Variants in EXOC4 observed in about 807,000 individuals in gnomAD.
EXOC4 encodes SEC8-like 1.
Under a neutral mutation model 107.2 loss-of-function variants are expected in EXOC4, and 71 were observed. The observed-to-expected ratio is 0.66, with a 90% CI of 0.55 to 0.81. EXOC4 has a LOEUF of 0.81. EXOC4 is among the 30% of genes least tolerant of loss of function. EXOC4 has a pLI of 0.00. For missense variants in EXOC4, 1,108 were observed against 1,189.6 expected, an observed-to-expected ratio of 0.93 and a Z score of 1.01; for synonymous variants, 456 against 441.2, an observed-to-expected ratio of 1.03 and a Z score of -0.42.
At chr7:133,518,670 G>A (rs192879624) in intron 9 of EXOC4, among the ~76,000 whole-genome samples, 1 of 152,242 alleles carries the variant, frequency 6.6e-6, no homozygotes, top group East Asian at 1.9e-4. Flanking sequence ...CTTTAAAAGG[G>A]TGGACATTCT....
chr7:133,740,246 T>C (rs1340267617), intron 10 of EXOC4, among the ~76,000 whole-genome samples: 1 of 152,182 alleles, frequency 6.6e-6, no homozygotes, highest in African/African-American at 2.4e-5. Flanking sequence ...TTGATATGCA[T>C]TAGCTTGTGC....
At chr7:133,583,541 G>A (rs902003797) in intron 9 of EXOC4, among the ~76,000 whole-genome samples, 1 of 152,184 alleles carries the variant, frequency 6.6e-6, no homozygotes, top group African/African-American at 2.4e-5. Flanking sequence ...CTGGGTAAGA[G>A]TTAGCCAGAT....
At chr7:133,738,702 A>G (rs1490124826) in intron 10 of EXOC4, among the ~76,000 whole-genome samples, 2 of 152,174 alleles carry the variant, frequency 1.3e-5, no homozygotes, top group Non-Finnish European at 2.9e-5. Flanking sequence ...AATTATTAGA[A>G]ATTATCTAAA....
intron 17 of EXOC4, among the ~76,000 whole-genome samples, chr7:134,047,047 A>T (rs1795672587): frequency 6.6e-6 from 1 of 152,206 alleles, no homozygotes; most frequent in Non-Finnish European, 1.5e-5. Flanking sequence ...TGCTCTTATG[A>T]AATTATGTGT....
rs185010628 is a variant in EXOC4 at position 133,536,850 on chromosome 7, A to G, written c.1417+56712A>G. On this transcript the variant is annotated intron_variant, in intron 9 of 17. Transcript: ENST00000253861. ...CTACATATTAGGCAGCAGGAAGTAG[A>G]TGGGGCAGGCAGCAGGAAGTAGACG... Among the ~76,000 whole-genome samples, 231 of 152,116 alleles carry G rather than the reference A, an allele frequency of 1.5e-3. 1 individual carries two copies. Among genetic ancestry groups the G allele is most frequent in the African/African-American group, 5.3e-3 (220 of 41,518 alleles).
chr7:133,867,082 C>T (rs73155129), intron 11 of EXOC4, among the ~76,000 whole-genome samples: 22,899 of 152,144 alleles, frequency 0.15, 2,099 homozygotes, highest in African/African-American at 0.25. Context: ...GAAACTAGTG[C>T]TCCTCAGTCC....
intron 11 of EXOC4, among the ~76,000 whole-genome samples, chr7:133,832,092 C>T (rs1469356545): frequency 1.3e-5 from 2 of 152,116 alleles, no homozygotes; most frequent in African/African-American, 4.8e-5. Context: ...GAATAGTTAA[C>T]CCATACCCTT....
In EXOC4 at chr7:133,752,586, C is replaced by A. The variant is rs75226102; in HGVS notation, c.1515-64739C>A. Among the ~76,000 whole-genome samples, 305 of 152,190 alleles carry A rather than the reference C, an allele frequency of 2.0e-3. 9 individuals are homozygous for A. In the East Asian group the frequency reaches 0.053, roughly 26 times the overall value. On this transcript the variant is annotated intron_variant, in intron 10 of 17. Transcript: ENST00000253861. ...GACATAGTCTATGCTCTCATAAAAC[C>A]CACCATCTATTAGGGAAAATGAACA...
At position 133,765,688 on chromosome 7, in the gene EXOC4, G is replaced by A. The variant is rs548087119; in HGVS notation, c.1515-51637G>A. The stretch of plus-strand genomic sequence containing the variant: ...AGTCTTCCTTTTTTCTGCATTAATC[G>A]CCTTCCTTTGTATTATGATCTTTCC... On this transcript the variant is annotated intron_variant, in intron 10 of 17. Transcript: ENST00000253861. Among the ~76,000 whole-genome samples, 143 of 151,776 alleles carry A rather than the reference G, an allele frequency of 9.4e-4. 1 individual carries two copies. Among genetic ancestry groups the A allele is most frequent in the African/African-American group, 3.1e-3 (127 of 41,426 alleles).
chr7:133,483,767 CT>C (rs1799210169), intron 9 of EXOC4, among the ~76,000 whole-genome samples: 1 of 152,170 alleles, frequency 6.6e-6, no homozygotes, highest in Non-Finnish European at 1.5e-5. Context: ...CTGATGAATG[CT>C]TTTAACATTT....
chr7:133,355,693 A>G (rs1269765175), intron 5 of EXOC4, among the ~76,000 whole-genome samples: 1 of 151,666 alleles, frequency 6.6e-6, no homozygotes, highest in East Asian at 1.9e-4. Flanking sequence ...ATGGATTATT[A>G]GCAAGATCTG....
intron 11 of EXOC4, among the ~76,000 whole-genome samples, chr7:133,823,872 TTATA>T (rs1294402537): frequency 6.9e-4 from 8 of 11,600 alleles, no homozygotes; most frequent in Non-Finnish European, 1.1e-3. Flanking sequence ...TATATATATA[TTATA>T]TATATATATA....
intron 10 of EXOC4, among the ~76,000 whole-genome samples, chr7:133,643,479 A>G (rs992003404): frequency 6.6e-6 from 1 of 152,174 alleles, no homozygotes; most frequent in African/African-American, 2.4e-5. Context: ...CGTACTTTGT[A>G]TCTTTCAATC....
chr7:133,701,665 A>T (rs1204969023), intron 10 of EXOC4, among the ~76,000 whole-genome samples: 1 of 152,218 alleles, frequency 6.6e-6, no homozygotes, highest in Non-Finnish European at 1.5e-5. Flanking sequence ...AATATCCCTT[A>T]TCTGAAATGC....
intron 14 of EXOC4, among the ~76,000 whole-genome samples, chr7:133,963,312 A>G (rs1042009958): frequency 3.9e-5 from 6 of 152,256 alleles, no homozygotes; most frequent in Non-Finnish European, 7.3e-5. Context: ...AATGCTTTTT[A>G]GTTGTAGAGT....
intron 3 of EXOC4, among the ~76,000 whole-genome samples, chr7:133,303,172 T>C (rs1794679182): frequency 6.6e-6 from 1 of 152,186 alleles, no homozygotes; most frequent in Admixed American, 6.5e-5. Context: ...CAGTGGCTCA[T>C]GCCTGTAATC....
At chr7:133,448,157 G>A (rs1798260060) in intron 7 of EXOC4, among the ~76,000 whole-genome samples, 1 of 152,152 alleles carries the variant, frequency 6.6e-6, no homozygotes, top group Admixed American at 6.6e-5. Flanking sequence ...GCATTTCTGG[G>A]TCTCCTTTTG....
At chr7:133,925,808 C>A (rs954748216) in intron 13 of EXOC4, among the ~76,000 whole-genome samples, 1 of 151,846 alleles carries the variant, frequency 6.6e-6, no homozygotes, top group Non-Finnish European at 1.5e-5. Context: ...GAAGCCGAGG[C>A]GAGTGGATCA....
intron 12 of EXOC4, among the ~76,000 whole-genome samples, chr7:133,904,805 G>A (rs940357040): frequency 2.6e-5 from 4 of 152,306 alleles, no homozygotes; most frequent in South Asian, 2.1e-4. Flanking sequence ...GTTAATCAGC[G>A]TATTCAGGTT....
Sources: allele counts gnomAD v4.1 joint callset (sites outside exome capture counted in the v4.1 genomes callset), GRCh38; gene constraint gnomAD v4.1.1; transcripts MANE v1.5; gene names NCBI Gene and HGNC (gene_info 2026-07-23, HGNC 2026-07-21).